CDC73: variants seen among roughly 807,000 people sequenced by gnomAD.
The protein encoded by CDC73 is cell division cycle 73, also known as parafibromin.
CDC73 carries 21 observed loss-of-function variants against 83.7 expected under a neutral mutation model. The ratio of observed to expected loss-of-function variants is 0.25; its 90% CI spans 0.18 to 0.36. The LOEUF is 0.36. CDC73 is among the 10% of genes least tolerant of loss of function. CDC73 has a pLI of 1.00. For synonymous variants in CDC73, 224 were observed against 212.9 expected (o/e 1.05, Z -0.45); for missense variants, 342 against 653.3 (o/e 0.52, Z 5.19).
chr1:193,202,741 G>A (rs1401778259), intron 10 of CDC73, among the ~76,000 whole-genome samples: 1 of 151,106 alleles, frequency 6.6e-6, no homozygotes, highest in African/African-American at 2.4e-5. Context: ...CTGTATTGAA[G>A]TGAAAGTCTT....
chr1:193,173,562 T>C (rs1676554895), intron 10 of CDC73, among the ~76,000 whole-genome samples: 1 of 152,200 alleles, frequency 6.6e-6, no homozygotes, highest in Admixed American at 6.5e-5. Context: ...GAAAATTGTC[T>C]TTTTGTAATT....
chr1:193,201,287 C>A (rs1352941582), intron 10 of CDC73, among the ~76,000 whole-genome samples: 1 of 152,070 alleles, frequency 6.6e-6, no homozygotes, highest in Non-Finnish European at 1.5e-5. Context: ...AGATTTGACT[C>A]ATGTAATCAA....
intron 10 of CDC73, among the ~76,000 whole-genome samples, chr1:193,169,002 G>A (rs1676478005): frequency 6.6e-6 from 1 of 151,622 alleles, no homozygotes; most frequent in African/African-American, 2.4e-5. Context: ...AACCAGTCTT[G>A]GCCTGTGTGC....
intron 1 of CDC73, among the ~76,000 whole-genome samples, chr1:193,122,816 T>A (rs141402385): frequency 1.3e-5 from 2 of 152,252 alleles, no homozygotes; most frequent in African/African-American, 4.8e-5. Flanking sequence ...GGGTGATTCC[T>A]GTAGAAGAGA....
intron 10 of CDC73, among the ~76,000 whole-genome samples, chr1:193,162,521 C>T (rs1676357675): frequency 6.6e-6 from 1 of 151,176 alleles, no homozygotes; most frequent in African/African-American, 2.4e-5. Flanking sequence ...TACAGGCGTG[C>T]ACCACCACGG....
In CDC73 at chr1:193,237,408, C is replaced by T. The variant is rs577504803; in HGVS notation, c.1417+1052C>T. On this transcript the variant is annotated intron_variant, in intron 15 of 16. Coordinates refer to ENST00000367435, the MANE Select transcript of CDC73 (RefSeq NM_024529.5). ...GAAATAGAAAAAAGATGCAAACCTT[C>T]TTGGAAGGCTGGGAGGTTTTGCAAA... 3.3e-5 allele frequency among the ~76,000 whole-genome samples: 5 copies of T among 152,136 alleles called. No homozygotes were observed. The South Asian group carries it at 1.0e-3, about 32-fold the overall frequency.
intron 10 of CDC73, among the ~76,000 whole-genome samples, chr1:193,193,817 GT>G (rs1676958704): frequency 6.6e-6 from 1 of 151,478 alleles, no homozygotes. Flanking sequence ...GTGTGTGTGT[GT>G]GTGTGTGTGT....
intron 1 of CDC73, among the ~76,000 whole-genome samples, chr1:193,123,399 T>C (rs1238601240): frequency 1.3e-5 from 2 of 152,118 alleles, no homozygotes; most frequent in Non-Finnish European, 2.9e-5. Context: ...GGCTAATTTA[T>C]GTAGTTTAGT....
At chr1:193,245,241 A>T (rs566861488) in intron 15 of CDC73, among the ~76,000 whole-genome samples, 17 of 152,138 alleles carry the variant, frequency 1.1e-4, no homozygotes, top group African/African-American at 4.1e-4. Context: ...TATTTCTTCT[A>T]TCCAGTCATA....
At chr1:193,180,971 T>G (rs1345059492) in intron 10 of CDC73, 2 of 1,613,520 alleles carry the variant, frequency 1.2e-6, no homozygotes, top group Admixed American at 3.3e-5. Flanking sequence ...AGGTAGCCAT[T>G]TAGCTTAATA....
In CDC73 at chr1:193,162,417, G is replaced by T. The variant is rs759432092; in HGVS notation, c.972+9973G>T. 8.7e-4 allele frequency among the ~76,000 whole-genome samples: 128 copies of T among 146,856 alleles called. 2 individuals are homozygous for T. Among genetic ancestry groups the T allele is most frequent in the Non-Finnish European group, 6.1e-4 (41 of 67,242 alleles). ...AGACAGAGTCTCACTCTGTCGCTCA[G>T]GCTGGAGTGCAGTGGCATGATCTCA... On this transcript the variant is annotated intron_variant, in intron 10 of 16. Coordinates refer to ENST00000367435, the MANE Select transcript of CDC73 (RefSeq NM_024529.5).
chr1:193,232,979 CTG>C lies in CDC73; in HGVS notation c.1155-12_1155-11del, dbSNP rs1558319747. On this transcript the variant is annotated splice_polypyrimidine_tract_variant and intron_variant, in intron 13 of 16. Coordinates refer to ENST00000367435, the MANE Select transcript of CDC73 (RefSeq NM_024529.5). ...GGAATACATTGACTTTTTCTCATCT[CTG>C]TTTTTTCAAAGATTTGTCCCATCAG... 5.6e-6 allele frequency: 9 copies of C among 1,609,446 alleles called. No homozygotes were observed. Among genetic ancestry groups the C allele is most frequent in the Admixed American group, 1.7e-5 (1 of 59,960 alleles).
At chr1:193,191,708 A>G (rs1676921547) in intron 10 of CDC73, among the ~76,000 whole-genome samples, 1 of 152,032 alleles carries the variant, frequency 6.6e-6, no homozygotes, top group Admixed American at 6.6e-5. Context: ...TGTCTTTAAA[A>G]ATTTTATTTG....
At chr1:193,176,503 A>G (rs963261528) in intron 10 of CDC73, among the ~76,000 whole-genome samples, 1 of 152,224 alleles carries the variant, frequency 6.6e-6, no homozygotes, top group African/African-American at 2.4e-5. Flanking sequence ...AAGAATCATC[A>G]TAGGAGCAGC....
intron 9 of CDC73, among the ~76,000 whole-genome samples, chr1:193,151,244 TA>T (rs928871031): frequency 2.6e-5 from 4 of 152,240 alleles, no homozygotes; most frequent in African/African-American, 9.6e-5. Flanking sequence ...AAGTTTTTTT[TA>T]AATGATATGT....
intron 1 of CDC73, among the ~76,000 whole-genome samples, chr1:193,124,847 C>G (rs1675535602): frequency 6.6e-6 from 1 of 152,162 alleles, no homozygotes; most frequent in South Asian, 2.1e-4. Context: ...AAGCCCAGAG[C>G]CTAATTTGGG....
chr1:193,134,779 T>A (rs1049302393), intron 3 of CDC73, among the ~76,000 whole-genome samples: 4 of 152,158 alleles, frequency 2.6e-5, no homozygotes, highest in African/African-American at 9.7e-5. Context: ...GTATGTCACC[T>A]TTTGTATTAA....
chr1:193,142,178 T>G, intron 7 of CDC73, 112 bp downstream of exon 7: 1 of 852,398 alleles, frequency 1.2e-6, no homozygotes, highest in Non-Finnish European at 2.0e-6. Flanking sequence ...AGTTTCAAGT[T>G]TTATCTCTTT....
chr1:193,123,750 ACT>A (rs1205504244), intron 1 of CDC73, among the ~76,000 whole-genome samples: 1 of 151,844 alleles, frequency 6.6e-6, no homozygotes, highest in Non-Finnish European at 1.5e-5. Context: ...AATTCCTAAG[ACT>A]CTGGTTTCTA....
Sources: gnomAD v4.1 joint callset for allele counts (sites outside exome capture counted in the v4.1 genomes callset) on GRCh38, gnomAD v4.1.1 for gene constraint, MANE v1.5 for transcripts, NCBI Gene and HGNC (gene_info 2026-07-23, HGNC 2026-07-21) for gene names.